LHFPL3: variants seen among roughly 807,000 people sequenced by gnomAD.
LHFPL3 encodes the protein LHFPL tetraspan subfamily member 3 protein.
A neutral mutation model predicts 19.3 loss-of-function variants in LHFPL3; 5 were observed. That is an observed-to-expected ratio of 0.26 (90% confidence interval 0.14 to 0.54). The LOEUF is 0.54. Ranked by LOEUF, LHFPL3 falls within the 20% of genes least tolerant of loss-of-function variation. The probability of loss-of-function intolerance (pLI) is 0.94; values close to 1 mark genes in which losing one functional copy is unlikely to be tolerated. For synonymous variants in LHFPL3, 133 were observed against 126.2 expected, an observed-to-expected ratio of 1.05 and a Z score of -0.36; for missense variants, 249 against 307.4, an observed-to-expected ratio of 0.81 and a Z score of 1.42.
chr7:104,489,528 G>A (rs552479178), intron 1 of LHFPL3, among the ~76,000 whole-genome samples: 1 of 150,588 alleles, frequency 6.6e-6, no homozygotes, highest in South Asian at 2.1e-4. Context: ...CCATCATCTA[G>A]TGTGTCTCCA....
chr7:104,420,554 A>ATTTTTTTTTTTTTTT (rs71153195), intron 1 of LHFPL3, among the ~76,000 whole-genome samples: 1 of 112,710 alleles, frequency 8.9e-6, no homozygotes, highest in Non-Finnish European at 1.7e-5. Context: ...CAAAGGGTGA[A>ATTTTTTTTTTTTTTT]TTTTTTTTTT....
intron 2 of LHFPL3, among the ~76,000 whole-genome samples, chr7:104,755,834 T>G (rs1441237392): frequency 6.6e-6 from 1 of 152,178 alleles, no homozygotes; most frequent in African/African-American, 2.4e-5. Flanking sequence ...TAGCTGGGAT[T>G]ATAGGCATGC....
intron 2 of LHFPL3, among the ~76,000 whole-genome samples, chr7:104,877,019 C>T (rs1391832712): frequency 2.6e-5 from 4 of 152,208 alleles, no homozygotes; most frequent in East Asian, 1.9e-4. Flanking sequence ...AGCAAACTAT[C>T]ACAAGGACAA....
intron 2 of LHFPL3, among the ~76,000 whole-genome samples, chr7:104,817,755 C>G (rs868450125): frequency 6.6e-6 from 1 of 152,160 alleles, no homozygotes; most frequent in African/African-American, 2.4e-5. Context: ...CCATACAAAC[C>G]CCCATGGCCA....
chr7:104,858,209 C>A (rs1791546852), intron 2 of LHFPL3, among the ~76,000 whole-genome samples: 1 of 152,124 alleles, frequency 6.6e-6, no homozygotes, highest in South Asian at 2.1e-4. Flanking sequence ...AACTTGCTGG[C>A]CTCCTCACCT....
At chr7:104,541,806 T>C (rs1794490471) in intron 1 of LHFPL3, among the ~76,000 whole-genome samples, 1 of 151,990 alleles carries the variant, frequency 6.6e-6, no homozygotes, top group South Asian at 2.1e-4. Context: ...GTCCGGATGG[T>C]ATTTGAAACC....
chr7:104,376,334 A>G (rs188426739), intron 1 of LHFPL3, among the ~76,000 whole-genome samples: 74 of 152,356 alleles, frequency 4.9e-4, no homozygotes, highest in African/African-American at 1.7e-3. Context: ...GTACAAGTAA[A>G]AAAGTATTTT....
intron 2 of LHFPL3, among the ~76,000 whole-genome samples, chr7:104,780,642 G>C (rs111722086): frequency 1.3e-5 from 2 of 152,170 alleles, no homozygotes; most frequent in African/African-American, 4.8e-5. Flanking sequence ...GCCCACCCTT[G>C]CTCACTTTCT....
intron 2 of LHFPL3, among the ~76,000 whole-genome samples, chr7:104,896,850 C>G (rs562076317): frequency 6.6e-6 from 1 of 152,170 alleles, no homozygotes; most frequent in South Asian, 2.1e-4. Flanking sequence ...CTTTGGGAGG[C>G]CAAGGCGGGT....
chr7:104,394,473 CA>C (rs1791143092), intron 1 of LHFPL3, among the ~76,000 whole-genome samples: 1 of 152,034 alleles, frequency 6.6e-6, no homozygotes, highest in South Asian at 2.1e-4. Context: ...GATAAATAGC[CA>C]TTTCTAAAAA....
intron 1 of LHFPL3, chr7:104,668,304 C>A: frequency 6.2e-7 from 1 of 1,604,950 alleles, no homozygotes; most frequent in Non-Finnish European, 8.5e-7. Context: ...TCCTTTTGGC[C>A]GTGATAGAAA....
chr7:104,556,295 G>T (rs935980089), intron 1 of LHFPL3, among the ~76,000 whole-genome samples: 1 of 152,178 alleles, frequency 6.6e-6, no homozygotes. Context: ...CTCCATGAGG[G>T]TCCCCCCCCT....
At chr7:104,896,946 C>T (rs375646319) in intron 2 of LHFPL3, among the ~76,000 whole-genome samples, 2 of 152,030 alleles carry the variant, frequency 1.3e-5, no homozygotes, top group Non-Finnish European at 1.5e-5. Flanking sequence ...ATTTGCTGGG[C>T]ATGGTGGCGC....
chr7:104,873,594 C>G (rs1003650787), intron 2 of LHFPL3, among the ~76,000 whole-genome samples: 11 of 152,120 alleles, frequency 7.2e-5, no homozygotes, highest in African/African-American at 9.7e-5. Flanking sequence ...CGTCGCTGCA[C>G]TCCAGCCTGG....
At position 104,483,318 on chromosome 7, in the gene LHFPL3, G is replaced by A. The variant is rs376714580; in HGVS notation, c.445+154094G>A. On this transcript the variant is annotated intron_variant, in intron 1 of 2. Coordinates refer to ENST00000424859, the MANE Select transcript of LHFPL3 (RefSeq NM_199000.3). ...ACAAGTGGTGATGCTTGGATGCTGA[G>A]ATTAAACAGGAAAGGTGTAAAGCAC... is the stretch of plus-strand genomic sequence containing the variant. 2.1e-3 allele frequency among the ~76,000 whole-genome samples: 321 copies of A among 152,282 alleles called. 1 individual carries two copies. The highest frequency in any genetic ancestry group is 7.4e-3 in the African/African-American group (307 of 41,538).
In LHFPL3 at chr7:104,832,960, G is replaced by GTATATA. The variant is rs71748649; in HGVS notation, c.683-73215_683-73210dup. On this transcript the variant is annotated intron_variant, in intron 2 of 2. Transcript: ENST00000424859. Reference sequence around the variant, plus strand: ...TCTAGAGGGACAGAACTAATAGGATGTATATATATATATATATCCTGGGTT... The same window carrying GTATATA: ...TCTAGAGGGACAGAACTAATAGGATGTATATATATATATATATATATATCCTGGGTT... 7.2e-3 allele frequency among the ~76,000 whole-genome samples: 452 copies of GTATATA among 62,884 alleles called. 10 individuals are homozygous for GTATATA. Among genetic ancestry groups the GTATATA allele is most frequent in the African/African-American group, 0.025 (386 of 15,152 alleles). The allele number at this position is 62,884 out of a possible 152,430, so 41.3% of individuals were successfully genotyped here.
intron 1 of LHFPL3, among the ~76,000 whole-genome samples, chr7:104,627,538 A>G (rs1791568212): frequency 6.6e-6 from 1 of 152,172 alleles, no homozygotes; most frequent in Non-Finnish European, 1.5e-5. Flanking sequence ...CTAATTGATT[A>G]TTAGTTTCAA....
chr7:104,786,206 T>A (rs1425519812), intron 2 of LHFPL3, among the ~76,000 whole-genome samples: 1 of 152,182 alleles, frequency 6.6e-6, no homozygotes, highest in Non-Finnish European at 1.5e-5. Context: ...GCTTAGCCAC[T>A]GGTTAAAGAC....
rs1465027136 is a variant in LHFPL3 at position 104,430,405 on chromosome 7, CATATATAT to C, written c.445+101187_445+101194del. 4.3e-3 allele frequency among the ~76,000 whole-genome samples: 97 copies of C among 22,446 alleles called. 3 individuals carry two copies. Among genetic ancestry groups the C allele is most frequent in the African/African-American group, 0.017 (90 of 5,206 alleles). The allele number at this position is 22,446 out of a possible 152,430, so 14.7% of individuals were successfully genotyped here. A position where few individuals can be genotyped will look rare whatever the true frequency, so the allele number is the denominator to read the frequency against. On this transcript the variant is annotated intron_variant, in intron 1 of 2. Transcript: ENST00000424859. ...ATACATATATATATATATATATATA[CATATATAT>C]ATATACATATATATATATATATATA...
Sources: allele counts gnomAD v4.1 joint callset (sites outside exome capture counted in the v4.1 genomes callset), GRCh38; gene constraint gnomAD v4.1.1; transcripts MANE v1.5; gene names NCBI Gene and HGNC (gene_info 2026-07-23, HGNC 2026-07-21).